The following SDK1 variants were observed in gnomAD, a reference collection of about 807,000 sequenced individuals.
SDK1 encodes the protein sidekick cell adhesion molecule 1, also known as protein sidekick-1.
A neutral mutation model predicts 245.5 loss-of-function variants in SDK1; 157 were observed. That is an observed-to-expected ratio of 0.64 (90% CI 0.56 to 0.73). The LOEUF (loss-of-function observed/expected upper bound fraction) is 0.73, where lower values mean the gene tolerates loss of function less well. SDK1 is among the 30% of genes least tolerant of loss of function. The pLI is 0.00. For missense variants in SDK1, 3,583 were observed against 3,002.3 expected (o/e 1.19, Z -4.52); for synonymous variants, 1,647 against 1,278.5 (o/e 1.29, Z -6.15).
rs77295490 is a variant in SDK1 at position 4,058,417 on chromosome 7, G to T, written c.2911+6587G>T. Among the ~76,000 whole-genome samples the T allele has an allele frequency of 2.0e-4, 31 of 151,788 alleles. No homozygotes were observed. The East Asian group carries it at 4.6e-3, about 23-fold the overall frequency. ...CCAGAAGGTGAAAAGAAAACCAAAGGGATACAAACCTGATTTAACAAAATA... is the reference window on the plus strand; with the variant it reads ...CCAGAAGGTGAAAAGAAAACCAAAGTGATACAAACCTGATTTAACAAAATA... On this transcript the variant is annotated intron_variant, in intron 19 of 44. Coordinates refer to ENST00000404826, the MANE Select transcript of SDK1 (RefSeq NM_152744.4).
chr7:3,851,403 C>A (rs1780416570), intron 5 of SDK1, among the ~76,000 whole-genome samples: 1 of 152,112 alleles, frequency 6.6e-6, no homozygotes, highest in South Asian at 2.1e-4. Flanking sequence ...TTTAAAATCT[C>A]AGTTAAAACT....
chr7:4,221,463 T>C (rs1050391967), intron 40 of SDK1, 99 bp downstream of exon 40: 30 of 1,429,368 alleles, frequency 2.1e-5, no homozygotes, highest in African/African-American at 7.1e-5. Context: ...TTCAGCATTT[T>C]CCCCCCACAA....
intron 1 of SDK1, among the ~76,000 whole-genome samples, chr7:3,492,974 G>A (rs571805795): frequency 2.8e-4 from 42 of 152,078 alleles, no homozygotes; most frequent in Admixed American, 2.0e-4. Flanking sequence ...TTTTTGAGAC[G>A]GAGTCTTGCT....
intron 4 of SDK1, among the ~76,000 whole-genome samples, chr7:3,804,207 A>G (rs1779183237): frequency 6.6e-6 from 1 of 152,124 alleles, no homozygotes; most frequent in African/African-American, 2.4e-5. Flanking sequence ...CTTCTCCTAA[A>G]AATTTTACAG....
intron 4 of SDK1, among the ~76,000 whole-genome samples, chr7:3,719,495 A>C (rs1386678533): frequency 6.6e-6 from 1 of 152,178 alleles, no homozygotes; most frequent in African/African-American, 2.4e-5. Flanking sequence ...ACCCACACGA[A>C]TATGCCCAAC....
At chr7:3,614,210 A>T (rs143399496) in intron 1 of SDK1, among the ~76,000 whole-genome samples, 122 of 152,320 alleles carry the variant, frequency 8.0e-4, no homozygotes, top group African/African-American at 2.8e-3. Flanking sequence ...TATTATCCAC[A>T]CAGATGAGAC....
chr7:4,233,199 G>C, intron 40 of SDK1, 56 bp from the exon 41 acceptor site: 1 of 1,550,552 alleles, frequency 6.4e-7, no homozygotes, highest in Non-Finnish European at 8.8e-7. Context: ...CATGGGGCTC[G>C]CATCTGGGAC....
At chr7:3,941,189 C>T (rs559432717) in intron 5 of SDK1, among the ~76,000 whole-genome samples, 9 of 152,156 alleles carry the variant, frequency 5.9e-5, no homozygotes, top group Non-Finnish European at 1.0e-4. Context: ...TCCCTTTGTC[C>T]CCTTCTGTCA....
chr7:3,735,643 C>G (rs1249112217), intron 4 of SDK1, among the ~76,000 whole-genome samples: 1 of 152,194 alleles, frequency 6.6e-6, no homozygotes, highest in African/African-American at 2.4e-5. Context: ...ACAAGTATCT[C>G]TTCAAGACCC....
rs145836451 is a variant in SDK1, at chr7:4,149,311, C to G, written c.4473C>G (p.Thr1491=). The change falls in exon 30 of 45, where the codon ACC becomes ACG. Residue 1491 remains threonine, a synonymous_variant. Transcript: ENST00000404826. ...RELLVPQAEV[T]ARSLRLQWVP... ...TCCTGGTGCCCCAGGCAGAAGTGAC[C>G]GCACGCAGCCTCCGGCTCCAGTGGG... 9 of 1,587,606 alleles carry G rather than the reference C, an allele frequency of 5.7e-6. No individual in the cohort carries two copies. The Admixed American group carries it at 1.2e-4, about 22-fold the overall frequency.
chr7:3,784,775 A>G (rs1365667291), intron 4 of SDK1, among the ~76,000 whole-genome samples: 2 of 152,240 alleles, frequency 1.3e-5, no homozygotes, highest in African/African-American at 4.8e-5. Context: ...TAGTGCAGCC[A>G]TTGTGGAAAA....
rs773635494 is a variant in SDK1 at position 3,329,145 on chromosome 7, A to C, written c.298+27261A>C. On this transcript the variant is annotated intron_variant, in intron 1 of 44. Coordinates refer to ENST00000404826, the MANE Select transcript of SDK1 (RefSeq NM_152744.4). ...TTATATTTTGTTAATGACAAATTAA[A>C]TTTGAAGAAAAGGTTATATATGTAT... Among the ~76,000 whole-genome samples the C allele has an allele frequency of 1.2e-3, 177 of 152,232 alleles. 2 individuals carry two copies. Among genetic ancestry groups the C allele is most frequent in the South Asian group, 6.2e-4 (3 of 4,818 alleles).
intron 12 of SDK1, 35 bp downstream of exon 12, chr7:3,971,603 T>C (rs1342843705): frequency 2.7e-6 from 4 of 1,467,766 alleles, no homozygotes; most frequent in East Asian, 4.6e-5. Context: ...TTGGGGCTTG[T>C]TGATATTCTG....
At chr7:3,525,116 A>G (rs1783077487) in intron 1 of SDK1, among the ~76,000 whole-genome samples, 1 of 152,196 alleles carries the variant, frequency 6.6e-6, no homozygotes, top group South Asian at 2.1e-4. Flanking sequence ...GGAAGTGTAC[A>G]GGAGGATGTG....
chr7:4,061,584 G>C (rs1266769989), intron 19 of SDK1, among the ~76,000 whole-genome samples: 6 of 152,198 alleles, frequency 3.9e-5, no homozygotes, highest in Non-Finnish European at 7.4e-5. Flanking sequence ...CGATTCCTCA[G>C]GGATCTAGGA....
chr7:3,793,984 C>T (rs1400596997), intron 4 of SDK1, among the ~76,000 whole-genome samples: 1 of 152,194 alleles, frequency 6.6e-6, no homozygotes, highest in African/African-American at 2.4e-5. Context: ...AAGGGCACCT[C>T]CAACCCCCAC....
At chr7:4,123,022 T>C (rs927745927) in intron 25 of SDK1, among the ~76,000 whole-genome samples, 8 of 152,226 alleles carry the variant, frequency 5.3e-5, no homozygotes, top group South Asian at 2.1e-4. Flanking sequence ...TCCGAATTGC[T>C]GCAATCCCCA....
intron 4 of SDK1, among the ~76,000 whole-genome samples, chr7:3,662,746 A>G (rs534433842): frequency 6.6e-6 from 1 of 152,332 alleles, no homozygotes; most frequent in Non-Finnish European, 1.5e-5. Flanking sequence ...AGCATCCCAC[A>G]TCTGAAAATC....
At chr7:3,800,615 C>T (rs867649145) in intron 4 of SDK1, among the ~76,000 whole-genome samples, 2 of 152,144 alleles carry the variant, frequency 1.3e-5, no homozygotes, top group Non-Finnish European at 2.9e-5. Flanking sequence ...CATGATCCGC[C>T]CGCCTCAGCT....
Sources: allele counts gnomAD v4.1 joint callset (sites outside exome capture counted in the v4.1 genomes callset), GRCh38; gene constraint gnomAD v4.1.1; transcripts MANE v1.5; gene names NCBI Gene and HGNC (gene_info 2026-07-23, HGNC 2026-07-21).